Variants in ADAMTS12 observed in about 807,000 individuals in gnomAD.
The protein encoded by ADAMTS12 is A disintegrin and metalloproteinase with thrombospondin motifs 12.
ADAMTS12 carries 118 observed loss-of-function variants against 167.8 expected under a neutral mutation model. The ratio of observed to expected loss-of-function variants is 0.70; its 90% CI spans 0.61 to 0.82. The LOEUF (loss-of-function observed/expected upper bound fraction) is 0.82. Among genes scored for constraint, ADAMTS12 ranks in the 40% least tolerant of loss-of-function variants. ADAMTS12 has a pLI of 0.00. For synonymous variants in ADAMTS12, 704 were observed against 716.9 expected, an observed-to-expected ratio of 0.98 and a Z score of 0.29; for missense variants, 1,916 against 1,998.8, an observed-to-expected ratio of 0.96 and a Z score of 0.79.
intron 19 of ADAMTS12, among the ~76,000 whole-genome samples, chr5:33,574,935 C>T (rs966892953): frequency 6.6e-6 from 1 of 152,032 alleles, no homozygotes; most frequent in African/African-American, 2.4e-5. Context: ...GCTGCAAAAT[C>T]CTCTTTTGCA....
At chr5:33,779,534 C>A (rs985717839) in intron 2 of ADAMTS12, among the ~76,000 whole-genome samples, 1 of 152,110 alleles carries the variant, frequency 6.6e-6, no homozygotes, top group African/African-American at 2.4e-5. Flanking sequence ...CTCATTGCAG[C>A]ATTATTCGCA....
chr5:33,783,331 AC>A (rs1376138845), intron 2 of ADAMTS12, among the ~76,000 whole-genome samples: 24 of 151,986 alleles, frequency 1.6e-4, no homozygotes, highest in African/African-American at 5.8e-4. Context: ...TTATATAAAA[AC>A]ATTAAAAAGG....
intron 3 of ADAMTS12, among the ~76,000 whole-genome samples, chr5:33,715,917 A>T (rs1280165705): frequency 1.3e-5 from 2 of 152,116 alleles, no homozygotes; most frequent in African/African-American, 4.8e-5. Context: ...TGGGGACTAT[A>T]ACTTTGTTTG....
intron 5 of ADAMTS12, 28 bp from the exon 6 acceptor site, chr5:33,662,068 A>G (rs1741278905): frequency 6.2e-7 from 1 of 1,602,114 alleles, no homozygotes; most frequent in African/African-American, 1.3e-5. Context: ...AGAGATTAGC[A>G]TGGGAGAGCT....
Position 33,642,977 on chromosome 5 carries a change from A to G in ADAMTS12, c.1572+401T>C, listed in dbSNP as rs555189428. Among the ~76,000 whole-genome samples, 5 of 147,870 alleles carry G rather than the reference A, an allele frequency of 3.4e-5. No individual in the cohort carries two copies. The South Asian group carries it at 6.6e-4, about 20-fold the overall frequency. ...GTCATGTCAGAAGATGAGAAAGAAG[A>G]TGATAAGTGGCCTAAATCCTGCATT... On this transcript the variant is annotated intron_variant, in intron 10 of 23. Coordinates refer to ENST00000504830, the MANE Select transcript of ADAMTS12 (RefSeq NM_030955.4).
At chr5:33,731,296 A>G (rs954703688) in intron 3 of ADAMTS12, among the ~76,000 whole-genome samples, 2 of 150,900 alleles carry the variant, frequency 1.3e-5, no homozygotes, top group Non-Finnish European at 2.9e-5. Context: ...AGAGATTCTC[A>G]TGTCTCAGCC....
At position 33,615,937 on chromosome 5, in the gene ADAMTS12, T is replaced by C. The variant is rs774805859; in HGVS notation, c.2279A>G (p.Gln760Arg). ...TGCCAGCTTATAGTTCCCGTTCCAC[T>C]GGATAATAAACCCTCCATTCAGGTA... Reference protein sequence around the residue: ...KYYLNGGFIIQWNGNYKLAGT... With the variant: ...KYYLNGGFIIRWNGNYKLAGT... Residue 760 changes from glutamine to arginine, a missense_variant, in exon 15 of 24, where the codon CAG becomes CGG. By Grantham distance (43) the Gln-to-Arg change is conservative (BLOSUM62 1). Transcript: ENST00000504830. 4.3e-6 allele frequency: 7 copies of C among 1,614,168 alleles called. No individual in the cohort carries two copies. The highest frequency in any genetic ancestry group is 1.1e-5 in the South Asian group (1 of 91,076).
Position 33,545,769 on chromosome 5 carries a change from C to A in ADAMTS12, c.4446+290G>T, listed in dbSNP as rs550221058. On this transcript the variant is annotated intron_variant, in intron 22 of 23. Coordinates refer to ENST00000504830, the MANE Select transcript of ADAMTS12 (RefSeq NM_030955.4). ...AGCAAACTATCGCAAGGACAAAAAA[C>A]CAAACACTGCATGTTCTCACTCATA... Among the ~76,000 whole-genome samples the A allele has an allele frequency of 2.2e-3, 328 of 151,346 alleles. 2 individuals carry two copies. Among genetic ancestry groups the A allele is most frequent in the Non-Finnish European group, 4.0e-3 (273 of 67,870 alleles).
chr5:33,727,117 A>G (rs566310191), intron 3 of ADAMTS12, among the ~76,000 whole-genome samples: 3 of 152,078 alleles, frequency 2.0e-5, no homozygotes, highest in Admixed American at 6.5e-5. Flanking sequence ...CACCTGCCCT[A>G]TGCTGCTGGA....
intron 17 of ADAMTS12, among the ~76,000 whole-genome samples, chr5:33,594,023 T>G (rs1450164669): frequency 2.0e-5 from 3 of 152,192 alleles, no homozygotes; most frequent in Non-Finnish European, 4.4e-5. Context: ...AAAGCACTTT[T>G]GTAAATTGGC....
intron 5 of ADAMTS12, among the ~76,000 whole-genome samples, chr5:33,665,326 A>T (rs1010932526): frequency 2.0e-5 from 3 of 152,154 alleles, no homozygotes; most frequent in Non-Finnish European, 4.4e-5. Flanking sequence ...CAACATGGTG[A>T]CTGTCATTAA....
rs375892388 is a variant in ADAMTS12, at chr5:33,797,240, A to C, written c.490-45692T>G. On this transcript the variant is annotated intron_variant, in intron 2 of 23. Transcript: ENST00000504830. ...TCACTTTTACAGACCTTGAGTGGTCAAGGGTCTGTAATCTTCCTGGCCAAG... is the reference window on the plus strand; with the variant it reads ...TCACTTTTACAGACCTTGAGTGGTCCAGGGTCTGTAATCTTCCTGGCCAAG... Among the ~76,000 whole-genome samples the C allele has an allele frequency of 4.3e-4, 66 of 152,298 alleles. 1 individual carries two copies. The East Asian group carries it at 0.01, about 23-fold the overall frequency.
At chr5:33,804,852 GAA>G in intron 2 of ADAMTS12, among the ~76,000 whole-genome samples, 1 of 152,224 alleles carries the variant, frequency 6.6e-6, no homozygotes, top group African/African-American at 2.4e-5. Context: ...GTAAGGAGGT[GAA>G]GAGATAGAAC....
chr5:33,626,772 G>C (rs1739655490), intron 13 of ADAMTS12, among the ~76,000 whole-genome samples: 1 of 147,676 alleles, frequency 6.8e-6, no homozygotes, highest in Admixed American at 6.8e-5. Context: ...TGATGGTGAT[G>C]ATTTGATGAT....
Position 33,798,525 on chromosome 5 carries a change from C to T in ADAMTS12, c.490-46977G>A, listed in dbSNP as rs912403789. Among the ~76,000 whole-genome samples, 5 of 150,618 alleles carry T rather than the reference C, an allele frequency of 3.3e-5. No individual in the cohort carries two copies. The Admixed American group carries it at 3.3e-4, about 10-fold the overall frequency. On this transcript the variant is annotated intron_variant, in intron 2 of 23. Transcript: ENST00000504830. ...GTGCAATCTCGGCTCACTGCAATCTCCGCCTCCCGGGTTTAAGTGATTCTC... is the reference window on the plus strand; with the variant it reads ...GTGCAATCTCGGCTCACTGCAATCTTCGCCTCCCGGGTTTAAGTGATTCTC...
chr5:33,531,395 G>A (rs188688676), intron 23 of ADAMTS12, among the ~76,000 whole-genome samples: 181 of 152,298 alleles, frequency 1.2e-3, no homozygotes, highest in African/African-American at 4.2e-3. Flanking sequence ...AAATTATTAA[G>A]CATTTACCAC....
At chr5:33,741,630 A>G (rs1017895835) in intron 3 of ADAMTS12, among the ~76,000 whole-genome samples, 3 of 152,124 alleles carry the variant, frequency 2.0e-5, no homozygotes, top group African/African-American at 4.8e-5. Context: ...CTAAGAATCC[A>G]AACCCACTTT....
chr5:33,883,739 T>C (rs568925100), intron 1 of ADAMTS12, among the ~76,000 whole-genome samples: 5 of 152,230 alleles, frequency 3.3e-5, no homozygotes, highest in East Asian at 1.9e-4. Flanking sequence ...GGAACAAAAA[T>C]GCATAAATAT....
At chr5:33,596,167 A>G (rs920980151) in intron 16 of ADAMTS12, 107 bp from the exon 17 acceptor site, 1 of 1,411,562 alleles carries the variant, frequency 7.1e-7, no homozygotes, top group Non-Finnish European at 9.6e-7. Flanking sequence ...GGCTGATGGG[A>G]AAGTTGTTCA....
Sources: allele counts gnomAD v4.1 joint callset (sites outside exome capture counted in the v4.1 genomes callset), GRCh38; gene constraint gnomAD v4.1.1; transcripts MANE v1.5; gene names NCBI Gene and HGNC (gene_info 2026-07-23, HGNC 2026-07-21).